SEC31A: variants seen among roughly 807,000 people sequenced by gnomAD.
The protein encoded by SEC31A is SEC31 homolog A, COPII component, also known as protein transport protein Sec31A.
In SEC31A, 70 loss-of-function variants were observed where a neutral mutation model predicts 151.0. The ratio of observed to expected loss-of-function variants is 0.46; its 90% CI spans 0.38 to 0.57. The LOEUF (loss-of-function observed/expected upper bound fraction) is 0.57. SEC31A is among the 20% of genes least tolerant of loss of function. The pLI, the probability that SEC31A is intolerant of heterozygous loss-of-function variation, is 0.00. For synonymous variants in SEC31A, 475 were observed against 505.9 expected (o/e 0.94, Z 0.82); for missense variants, 1,330 against 1,471.2 (o/e 0.90, Z 1.57).
At chr4:82,846,471 T>G (rs191276928) in intron 20 of SEC31A, among the ~76,000 whole-genome samples, 3 of 151,362 alleles carry the variant, frequency 2.0e-5, no homozygotes, top group Admixed American at 1.3e-4. Context: ...TTTTTTTCAA[T>G]AGAAGTTACA....
Position 82,881,941 on chromosome 4 carries a change from C to A in SEC31A, c.-4-1G>T. 6.2e-7 allele frequency: 1 copy of A among 1,611,606 alleles called. No homozygotes were observed. Among genetic ancestry groups the A allele is most frequent in the Non-Finnish European group, 8.5e-7 (1 of 1,177,784 alleles). ...ATCTACTTCCTTTAACTTCATCCTG[C>A]TAAAGGGAATATTTTATACAGAAAC... On this transcript the variant is annotated splice_acceptor_variant, in intron 1 of 26. Transcript: ENST00000395310. LOFTEE classifies it low-confidence loss of function (5UTR_SPLICE).
At chr4:82,828,615 T>C (rs543415073) in intron 23 of SEC31A, among the ~76,000 whole-genome samples, 2 of 104,824 alleles carry the variant, frequency 1.9e-5, no homozygotes, top group South Asian at 6.6e-4. Context: ...ACAGAAAAAG[T>C]CCAAAATTTA....
At chr4:82,846,734 CAG>C (rs1271181797) in intron 20 of SEC31A, among the ~76,000 whole-genome samples, 3 of 151,730 alleles carry the variant, frequency 2.0e-5, no homozygotes, top group African/African-American at 4.8e-5. Flanking sequence ...TGTTTTGAGA[CAG>C]AGTTTTTTGC....
chr4:82,829,193 G>T, intron 22 of SEC31A, 135 bp from the exon 23 acceptor site: 2 of 669,988 alleles, frequency 3.0e-6, no homozygotes, highest in East Asian at 2.7e-5. Flanking sequence ...CCAGCCGAGT[G>T]TGGGGATCAC....
At chr4:82,854,476 A>G (rs1191405110) in intron 17 of SEC31A, among the ~76,000 whole-genome samples, 1 of 152,054 alleles carries the variant, frequency 6.6e-6, no homozygotes, top group Non-Finnish European at 1.5e-5. Context: ...CTTTTCTTGC[A>G]AATATTTATT....
At chr4:82,875,688 C>CT (rs1445024679) in intron 5 of SEC31A, 39 bp downstream of exon 5, 2 of 1,288,564 alleles carry the variant, frequency 1.6e-6, no homozygotes, top group South Asian at 2.6e-5. Context: ...CTACTTTTGG[C>CT]TTTTTTGATT....
intron 3 of SEC31A, among the ~76,000 whole-genome samples, chr4:82,896,890 T>A (rs553441223): frequency 2.2e-4 from 33 of 152,318 alleles, no homozygotes; most frequent in African/African-American, 7.7e-4. Context: ...TTATCCACTA[T>A]GATGAATACA....
intron 4 of SEC31A, among the ~76,000 whole-genome samples, chr4:82,876,115 T>C (rs1343523291): frequency 1.3e-5 from 2 of 149,886 alleles, no homozygotes; most frequent in African/African-American, 4.9e-5. Flanking sequence ...TTCTTTTTTT[T>C]TTTTTTTTTT....
chr4:82,844,127 ATTATCT>A, intron 21 of SEC31A: 1 of 395,076 alleles, frequency 2.5e-6, no homozygotes, highest in South Asian at 1.4e-4. Context: ...GGGACACTTG[ATTATCT>A]TTAACAAGTC....
intron 22 of SEC31A, among the ~76,000 whole-genome samples, chr4:82,841,637 T>A (rs1728893100): frequency 1.4e-5 from 2 of 146,056 alleles, no homozygotes; most frequent in Admixed American, 6.9e-5. Context: ...TGAGACTGGG[T>A]CTTAAAAAAA....
chr4:82,880,917 A>T lies in SEC31A; in HGVS notation c.85T>A (p.Ser29Thr), dbSNP rs766595216. Residue 29 changes from serine (S) to threonine (T), a missense_variant, in exon 3 of 27, where the codon TCT (serine) becomes ACT (threonine). Coordinates refer to ENST00000395310, the MANE Select transcript of SEC31A (RefSeq NM_001077207.4). ...NHPIYLATGTSAQQLDATFST... is the reference protein window; with the variant it reads ...NHPIYLATGTTAQQLDATFST... ...AATGTTGCATCCAATTGCTGAGCAGATGTTCCTATAGAAAATATATTTATG... is the reference window on the plus strand; with the variant it reads ...AATGTTGCATCCAATTGCTGAGCAGTTGTTCCTATAGAAAATATATTTATG... The T allele has an allele frequency of 6.2e-7, 1 of 1,605,200 alleles. No individual in the cohort carries two copies. Among genetic ancestry groups the T allele is most frequent in the Admixed American group, 1.7e-5 (1 of 58,752 alleles).
At chr4:82,866,110 G>GGAGTGAGGGAAAGAGAGACA (rs1471505308) in intron 10 of SEC31A, among the ~76,000 whole-genome samples, 2 of 151,620 alleles carry the variant, frequency 1.3e-5, no homozygotes, top group Non-Finnish European at 2.9e-5. Context: ...AAGAAGGGAG[G>GGAGTGAGGGAAAGAGAGACA]GAGGGAGGGA....
chr4:82,862,391 T>A, intron 13 of SEC31A, 143 bp downstream of exon 13: 1 of 607,510 alleles, frequency 1.6e-6, no homozygotes, highest in Non-Finnish European at 2.9e-6. Flanking sequence ...AAAATGAGAA[T>A]TATTAATTTA....
At chr4:82,845,244 G>A (rs1729803316) in intron 20 of SEC31A, 4 of 1,534,740 alleles carry the variant, frequency 2.6e-6, no homozygotes, top group South Asian at 2.4e-5. Context: ...GCTGGGAAGG[G>A]CAGTAGGAGT....
At chr4:82,883,617 C>T (rs978798064) in intron 1 of SEC31A, among the ~76,000 whole-genome samples, 1 of 151,980 alleles carries the variant, frequency 6.6e-6, no homozygotes, top group Non-Finnish European at 1.5e-5. Flanking sequence ...TTGCTTGAGC[C>T]CAGGAGTTCA....
chr4:82,856,660 A>T (rs1732737820), intron 16 of SEC31A, among the ~76,000 whole-genome samples: 1 of 152,042 alleles, frequency 6.6e-6, no homozygotes, highest in Non-Finnish European at 1.5e-5. Flanking sequence ...CTGAGGTAGG[A>T]GAATCGCTTG....
chr4:82,876,825 TA>T (rs1346132336), intron 4 of SEC31A, among the ~76,000 whole-genome samples: 1 of 152,026 alleles, frequency 6.6e-6, no homozygotes, highest in Non-Finnish European at 1.5e-5. Flanking sequence ...GGCATATAAC[TA>T]AAAAAAGGGA....
intron 13 of SEC31A, 27 bp from the exon 14 acceptor site, chr4:82,861,735 G>A (rs72662894): frequency 0.011 from 16,328 of 1,507,518 alleles, 124 homozygotes; most frequent in Non-Finnish European, 0.014. Context: ...AATTACAGGG[G>A]AAGGTGAAGA....
intron 7 of SEC31A, chr4:82,871,265 C>G: frequency 7.4e-7 from 1 of 1,358,586 alleles, no homozygotes; most frequent in Non-Finnish European, 9.6e-7. Context: ...ACTATATGCA[C>G]AAATTATCCT....
Sources: gnomAD v4.1 joint callset for allele counts (sites outside exome capture counted in the v4.1 genomes callset) on GRCh38, gnomAD v4.1.1 for gene constraint, MANE v1.5 for transcripts, NCBI Gene and HGNC (gene_info 2026-07-23, HGNC 2026-07-21) for gene names.